The following MYO10 variants were observed in gnomAD, a reference collection of about 807,000 sequenced individuals.
MYO10 encodes unconventional myosin-X.
MYO10 carries 133 observed loss-of-function variants against 257.3 expected under a neutral mutation model. That is an observed-to-expected ratio of 0.52 (90% CI 0.45 to 0.60). The LOEUF is 0.60. Ranked by LOEUF, MYO10 falls within the 20% of genes least tolerant of loss-of-function variation. The pLI, the probability that MYO10 is intolerant of heterozygous loss-of-function variation, is 0.00. For missense variants in MYO10, 2,399 were observed against 2,635.7 expected, an observed-to-expected ratio of 0.91 and a Z score of 1.97; for synonymous variants, 1,104 against 1,028.6, an observed-to-expected ratio of 1.07 and a Z score of -1.40.
intron 2 of MYO10, among the ~76,000 whole-genome samples, chr5:16,821,149 A>G (rs1742793083): frequency 6.8e-6 from 1 of 148,034 alleles, no homozygotes; most frequent in South Asian, 2.1e-4. Flanking sequence ...TATGTATAAA[A>G]TATCTATATA....
At chr5:16,905,564 G>A (rs962556454) in intron 1 of MYO10, among the ~76,000 whole-genome samples, 4 of 152,138 alleles carry the variant, frequency 2.6e-5, no homozygotes, top group Admixed American at 2.0e-4. Flanking sequence ...CCAGGGCAAT[G>A]AGTCCATCTC....
intron 2 of MYO10, among the ~76,000 whole-genome samples, chr5:16,829,334 C>A (rs1284256519): frequency 6.6e-6 from 1 of 152,104 alleles, no homozygotes; most frequent in Non-Finnish European, 1.5e-5. Flanking sequence ...TCATCATGGG[C>A]AACACTAACA....
chr5:16,697,651 C>T (rs42607), intron 26 of MYO10, among the ~76,000 whole-genome samples: 84,791 of 150,854 alleles, frequency 0.56, 24,212 homozygotes, highest in African/African-American at 0.65. Context: ...TGAGCCACGA[C>T]TGTGCCATTG....
Position 16,694,409 on chromosome 5 carries a change from C to T in MYO10, c.3762G>A (p.Glu1254=). The T allele has an allele frequency of 6.2e-7, 1 of 1,614,072 alleles. No homozygotes were observed. Among genetic ancestry groups the T allele is most frequent in the Non-Finnish European group, 8.5e-7 (1 of 1,179,912 alleles). The change falls in exon 27 of 41, where the codon GAG becomes GAA. Residue 1254 remains glutamate, a synonymous_variant. Coordinates refer to ENST00000513610, the MANE Select transcript of MYO10 (RefSeq NM_012334.3). Reference sequence around the variant, plus strand: ...CTTCTACGGTGCCCTTGAGCTTCTCCTCGCTGTCGTTTTCAAAGTACATCA... The same window carrying T: ...CTTCTACGGTGCCCTTGAGCTTCTCTTCGCTGTCGTTTTCAAAGTACATCA... The part of the protein sequence containing the change: ...SKLMYFENDS[E]EKLKGTVEVR...
intron 3 of MYO10, among the ~76,000 whole-genome samples, chr5:16,812,722 G>T (rs940412426): frequency 2.0e-5 from 3 of 152,130 alleles, no homozygotes; most frequent in Non-Finnish European, 4.4e-5. Flanking sequence ...GGAGACAAAG[G>T]TACAAAGGTT....
chr5:16,720,501 T>A (rs1442284009), intron 19 of MYO10, among the ~76,000 whole-genome samples: 2 of 152,240 alleles, frequency 1.3e-5, no homozygotes, highest in Non-Finnish European at 2.9e-5. Context: ...CCGCCCAGGC[T>A]GGAGTGCAGT....
At chr5:16,906,201 A>T (rs1174483985) in intron 1 of MYO10, among the ~76,000 whole-genome samples, 2 of 152,196 alleles carry the variant, frequency 1.3e-5, no homozygotes, top group African/African-American at 4.8e-5. Flanking sequence ...TGCCAGGGGT[A>T]GGGTCCAGAA....
chr5:16,742,020 G>A, intron 19 of MYO10: 1 of 985,322 alleles, frequency 1.0e-6, no homozygotes, highest in Non-Finnish European at 1.2e-6. Context: ...TGACGTGATA[G>A]GAACTGCTGA....
chr5:16,698,626 T>TATCATGAGAATGGGTCTCGACCAA (rs1737875638), intron 26 of MYO10, among the ~76,000 whole-genome samples: 2 of 137,644 alleles, frequency 1.5e-5, no homozygotes, highest in African/African-American at 6.1e-5. Flanking sequence ...ACATGCAGTT[T>TATCATGAGAATGGGTCTCGACCAA]TTTTTTTTTT....
At chr5:16,778,438 G>C (rs553564837) in intron 9 of MYO10, among the ~76,000 whole-genome samples, 1 of 152,122 alleles carries the variant, frequency 6.6e-6, no homozygotes, top group African/African-American at 2.4e-5. Flanking sequence ...TGGGGTCCCT[G>C]GAGAATCTCC....
intron 19 of MYO10, among the ~76,000 whole-genome samples, chr5:16,724,984 C>A (rs1739298390): frequency 6.6e-6 from 1 of 150,486 alleles, no homozygotes; most frequent in African/African-American, 2.4e-5. Flanking sequence ...TTTAAAAATG[C>A]AAATAAAAGT....
intron 2 of MYO10, among the ~76,000 whole-genome samples, chr5:16,853,158 C>G (rs1002468836): frequency 1.3e-5 from 2 of 152,110 alleles, no homozygotes; most frequent in Non-Finnish European, 2.9e-5. Context: ...ATCACACAGT[C>G]AGGAGATCGA....
At chr5:16,745,050 C>T (rs1419334143) in intron 19 of MYO10, among the ~76,000 whole-genome samples, 1 of 152,190 alleles carries the variant, frequency 6.6e-6, no homozygotes, top group South Asian at 2.1e-4. Flanking sequence ...CAATTAAGAC[C>T]TTTCCCAGGC....
At chr5:16,686,512 T>C (rs538438015) in intron 28 of MYO10, among the ~76,000 whole-genome samples, 1 of 152,012 alleles carries the variant, frequency 6.6e-6, no homozygotes, top group East Asian at 1.9e-4. Flanking sequence ...ATGGAGAGTA[T>C]CATATTGGAA....
At chr5:16,877,758 C>A (rs189834688) in intron 1 of MYO10, 51 bp from the exon 2 acceptor site, 4 of 1,424,912 alleles carry the variant, frequency 2.8e-6, no homozygotes, top group Non-Finnish European at 3.9e-6. Context: ...CATTTTGTGG[C>A]GAAACTGTAC....
At chr5:16,824,087 T>A (rs990469327) in intron 2 of MYO10, among the ~76,000 whole-genome samples, 1 of 152,084 alleles carries the variant, frequency 6.6e-6, no homozygotes, top group Non-Finnish European at 1.5e-5. Context: ...ACTGAAAACA[T>A]AACTTGGAGA....
At chr5:16,872,352 G>T (rs929034845) in intron 2 of MYO10, among the ~76,000 whole-genome samples, 1 of 152,170 alleles carries the variant, frequency 6.6e-6, no homozygotes, top group Admixed American at 6.5e-5. Context: ...AAAGTCATAG[G>T]AACAGAAAGA....
intron 1 of MYO10, among the ~76,000 whole-genome samples, chr5:16,927,443 T>G (rs2562366): frequency 0.45 from 68,405 of 151,844 alleles, 15,758 homozygotes; most frequent in African/African-American, 0.53. Flanking sequence ...TCCTGCCTCA[T>G]CCTCCCGAGT....
At chr5:16,865,060 G>C (rs778042994) in intron 2 of MYO10, among the ~76,000 whole-genome samples, 32 of 152,122 alleles carry the variant, frequency 2.1e-4, no homozygotes, top group African/African-American at 4.8e-5. Context: ...GAGAATTGAA[G>C]AGCTTCCCAG....
Sources: allele counts gnomAD v4.1 joint callset (sites outside exome capture counted in the v4.1 genomes callset), GRCh38; gene constraint gnomAD v4.1.1; transcripts MANE v1.5; gene names NCBI Gene and HGNC (gene_info 2026-07-23, HGNC 2026-07-21).